ARFIP1: variants seen among roughly 807,000 people sequenced by gnomAD.
ARFIP1 encodes the protein arfaptin-1.
ARFIP1 carries 24 observed loss-of-function variants against 42.5 expected under a neutral mutation model. The observed-to-expected ratio is 0.57, with a 90% CI of 0.41 to 0.80. The LOEUF (loss-of-function observed/expected upper bound fraction) is 0.80, where lower values mean the gene tolerates loss of function less well. ARFIP1 is among the 30% of genes least tolerant of loss of function. The pLI is 0.00. For synonymous variants in ARFIP1, 141 were observed against 153.7 expected (o/e 0.92, Z 0.61); for missense variants, 354 against 434.0 (o/e 0.82, Z 1.64).
At chr4:152,827,841 A>G (rs1377367169) in intron 1 of ARFIP1, among the ~76,000 whole-genome samples, 1 of 151,996 alleles carries the variant, frequency 6.6e-6, no homozygotes, top group East Asian at 1.9e-4. Context: ...ACACCCAGCT[A>G]ATTTTTGTAT....
intron 1 of ARFIP1, among the ~76,000 whole-genome samples, chr4:152,782,302 A>C (rs1730557913): frequency 6.6e-6 from 1 of 152,024 alleles, no homozygotes; most frequent in Admixed American, 6.6e-5. Flanking sequence ...CAAGGAAAGG[A>C]GAATGCAGGG....
Position 152,802,521 on chromosome 4 carries a change from T to TA in ARFIP1, c.-10+22302dup, listed in dbSNP as rs144213872. ...TTTTTATTGCATTTTCAAATAACTTTAAAAAAATAGTAGATTTAAGAAACA... is the reference window on the plus strand; with the variant it reads ...TTTTTATTGCATTTTCAAATAACTTTAAAAAAAATAGTAGATTTAAGAAACA... On this transcript the variant is annotated intron_variant, in intron 1 of 8. Coordinates refer to ENST00000353617, the MANE Select transcript of ARFIP1 (RefSeq NM_001025595.3). 1.3e-3 allele frequency among the ~76,000 whole-genome samples: 198 copies of TA among 152,234 alleles called. 1 individual carries two copies. The East Asian group carries it at 0.029, about 22-fold the overall frequency.
intron 8 of ARFIP1, among the ~76,000 whole-genome samples, chr4:152,895,530 G>T (rs1737235768): frequency 6.8e-6 from 1 of 146,050 alleles, no homozygotes; most frequent in Non-Finnish European, 1.5e-5. Flanking sequence ...GAGACTACTG[G>T]TACATGCCAC....
intron 8 of ARFIP1, among the ~76,000 whole-genome samples, chr4:152,901,102 C>G (rs2149909383): frequency 6.6e-6 from 1 of 152,250 alleles, no homozygotes; most frequent in Middle Eastern, 3.4e-3. Flanking sequence ...TTATTTTAAC[C>G]AGGAATTGCT....
At position 152,876,117 on chromosome 4, in the gene ARFIP1, T is replaced by A. The variant is rs532991101; in HGVS notation, c.411+3553T>A. ...TGTGAAAACCAACTAATACAGTAAA[T>A]TGGTACCAGGAATGGGTTGTTGCTG... is the stretch of plus-strand genomic sequence containing the variant. On this transcript the variant is annotated intron_variant, in intron 5 of 8. Transcript: ENST00000353617. 3.9e-5 allele frequency among the ~76,000 whole-genome samples: 6 copies of A among 152,106 alleles called. No homozygotes were observed. In the South Asian group the frequency reaches 1.2e-3, roughly 32 times the overall value.
At chr4:152,781,051 T>C (rs1353730587) in intron 1 of ARFIP1, among the ~76,000 whole-genome samples, 1 of 152,092 alleles carries the variant, frequency 6.6e-6, no homozygotes, top group Non-Finnish European at 1.5e-5. Flanking sequence ...CATTATTATT[T>C]GATAAGGAAA....
At chr4:152,805,266 A>C (rs567350691) in intron 1 of ARFIP1, among the ~76,000 whole-genome samples, 16 of 152,244 alleles carry the variant, frequency 1.1e-4, no homozygotes, top group African/African-American at 3.9e-4. Flanking sequence ...TTATGTTGTA[A>C]GCAAATGAAA....
chr4:152,873,135 A>T (rs570510434), intron 5 of ARFIP1, among the ~76,000 whole-genome samples: 42 of 152,344 alleles, frequency 2.8e-4, no homozygotes, highest in Non-Finnish European at 4.6e-4. Flanking sequence ...TATTACAAAC[A>T]GCTCAACCCC....
chr4:152,838,261 T>G (rs1731808539), intron 2 of ARFIP1, among the ~76,000 whole-genome samples: 1 of 152,196 alleles, frequency 6.6e-6, no homozygotes, highest in Non-Finnish European at 1.5e-5. Context: ...TGTGGGCTCT[T>G]TTTTGGTTCC....
chr4:152,786,536 A>G (rs1302826640), intron 1 of ARFIP1, among the ~76,000 whole-genome samples: 1 of 152,136 alleles, frequency 6.6e-6, no homozygotes, highest in Non-Finnish European at 1.5e-5. Context: ...TCCTGTTTCC[A>G]CTACTGCCAC....
intron 2 of ARFIP1, among the ~76,000 whole-genome samples, chr4:152,857,110 C>A (rs1373153224): frequency 2.0e-5 from 3 of 152,124 alleles, no homozygotes; most frequent in Admixed American, 2.0e-4. Flanking sequence ...GGAATGTTTT[C>A]TTTTTGACTC....
chr4:152,857,827 C>T (rs1474939792), intron 2 of ARFIP1, among the ~76,000 whole-genome samples: 1 of 152,068 alleles, frequency 6.6e-6, no homozygotes, highest in Admixed American at 6.5e-5. Context: ...GACTTGTTAC[C>T]ACCTATGTTT....
intron 1 of ARFIP1, among the ~76,000 whole-genome samples, chr4:152,820,724 C>T (rs1730301612): frequency 6.6e-6 from 1 of 152,216 alleles, no homozygotes; most frequent in Non-Finnish European, 1.5e-5. Context: ...TCACCTCCCA[C>T]CAGGCTCCTC....
At chr4:152,792,253 CT>C (rs570795499) in intron 1 of ARFIP1, among the ~76,000 whole-genome samples, 132 of 152,056 alleles carry the variant, frequency 8.7e-4, no homozygotes, top group East Asian at 5.0e-3. Context: ...ACTTTTCAAA[CT>C]TTTTTTTACT....
In ARFIP1 at chr4:152,888,195, A is replaced by G. The variant is rs753401929; in HGVS notation, c.854A>G (p.Asn285Ser). The change falls in exon 8 of 9, where the codon AAC (asparagine) becomes AGC (serine). Residue 285 changes from asparagine (N) to serine (S), a missense_variant. By Grantham distance (46) the Asn-to-Ser change is conservative (BLOSUM62 1). Coordinates refer to ENST00000353617, the MANE Select transcript of ARFIP1 (RefSeq NM_001025595.3). ...EELNLGPRDA[N>S]TLPKIEQSQH... is the part of the protein sequence containing the mutation. ...CTGAATCTTGGACCACGTGACGCAA[A>G]CACTCTGCCAAAGATTGAGCAGTCA... 3.7e-6 allele frequency: 6 copies of G among 1,612,188 alleles called. No homozygotes were observed. The South Asian group carries it at 5.5e-5, about 15-fold the overall frequency.
chr4:152,852,795 C>T (rs1480311174), intron 2 of ARFIP1, among the ~76,000 whole-genome samples: 9 of 152,280 alleles, frequency 5.9e-5, no homozygotes, highest in Admixed American at 5.2e-4. Context: ...TCTCACATAG[C>T]CCCTATTATT....
At chr4:152,884,979 A>G (rs569193668) in intron 7 of ARFIP1, among the ~76,000 whole-genome samples, 2 of 152,128 alleles carry the variant, frequency 1.3e-5, no homozygotes, top group Admixed American at 1.3e-4. Context: ...AAAAACAACA[A>G]CAGTAATGTT....
rs540854334 is a variant in ARFIP1 at position 152,883,672 on chromosome 4, A to G, written c.791+792A>G. 4.6e-5 allele frequency among the ~76,000 whole-genome samples: 7 copies of G among 151,326 alleles called. No homozygotes were observed. In the East Asian group the frequency reaches 1.3e-3, roughly 29 times the overall value. On this transcript the variant is annotated intron_variant, in intron 7 of 8. Transcript: ENST00000353617. ...CCCTGTCTCATAACTATCCTGTTAA[A>G]TGGTGAACAAAATATATATTAATAA...
intron 1 of ARFIP1, among the ~76,000 whole-genome samples, chr4:152,787,973 C>T (rs1430501284): frequency 6.6e-6 from 1 of 152,200 alleles, no homozygotes; most frequent in African/African-American, 2.4e-5. Flanking sequence ...CGCCTGTAAT[C>T]CCAGCACTTT....
Sources: allele counts gnomAD v4.1 joint callset (sites outside exome capture counted in the v4.1 genomes callset), GRCh38; gene constraint gnomAD v4.1.1; transcripts MANE v1.5; gene names NCBI Gene and HGNC (gene_info 2026-07-23, HGNC 2026-07-21).